The following LDLRAD4 variants were observed in gnomAD, a reference collection of about 807,000 sequenced individuals.
LDLRAD4 encodes low-density lipoprotein receptor class A domain-containing protein 4.
A neutral mutation model predicts 17.0 loss-of-function variants in LDLRAD4; 5 were observed. That is an observed-to-expected ratio of 0.29 (90% CI 0.15 to 0.62). LDLRAD4 has a LOEUF of 0.62. Ranked by LOEUF, LDLRAD4 falls within the 20% of genes least tolerant of loss-of-function variation. LDLRAD4 has a pLI of 0.84. For synonymous variants in LDLRAD4, 168 were observed against 171.8 expected (o/e 0.98, Z 0.17); for missense variants, 340 against 424.7 (o/e 0.80, Z 1.75).
chr18:13,606,578 T>C (rs772751585), intron 3 of LDLRAD4, among the ~76,000 whole-genome samples: 7 of 152,238 alleles, frequency 4.6e-5, no homozygotes, highest in Non-Finnish European at 1.0e-4. Context: ...GTCTCTGTGC[T>C]GCGTTTTTCT....
chr18:13,523,379 G>A (rs62087215), intron 3 of LDLRAD4, among the ~76,000 whole-genome samples: 1,614 of 152,296 alleles, frequency 0.011, 17 homozygotes, highest in Non-Finnish European at 0.017. Context: ...CCACACTGTT[G>A]GGAGGGGAGT....
chr18:13,325,031 A>G (rs2081446379), intron 1 of LDLRAD4, among the ~76,000 whole-genome samples: 1 of 152,154 alleles, frequency 6.6e-6, no homozygotes, highest in African/African-American at 2.4e-5. Context: ...TCATGTACAC[A>G]TTTGTCTCAG....
At chr18:13,626,735 G>A (rs781623921) in intron 4 of LDLRAD4, among the ~76,000 whole-genome samples, 1 of 152,240 alleles carries the variant, frequency 6.6e-6, no homozygotes, top group Non-Finnish European at 1.5e-5. Context: ...GCACAGCTGG[G>A]CTCCTCCAGC....
At chr18:13,566,341 A>G (rs2094601144) in intron 3 of LDLRAD4, among the ~76,000 whole-genome samples, 2 of 147,416 alleles carry the variant, frequency 1.4e-5, no homozygotes, top group African/African-American at 2.5e-5. Context: ...GTTTTCTTAT[A>G]TTTTCAATAA....
intron 1 of LDLRAD4, among the ~76,000 whole-genome samples, chr18:13,266,738 C>G (rs557558040): frequency 2.0e-5 from 3 of 152,244 alleles, no homozygotes; most frequent in African/African-American, 7.2e-5. Flanking sequence ...TGGCCAGACC[C>G]GTGGGCAGAT....
chr18:13,619,697 C>T (rs963093715), intron 3 of LDLRAD4, among the ~76,000 whole-genome samples: 4 of 152,156 alleles, frequency 2.6e-5, no homozygotes, highest in East Asian at 1.9e-4. Flanking sequence ...GGGGCGGGGC[C>T]GGCAGGCCTC....
intron 3 of LDLRAD4, among the ~76,000 whole-genome samples, chr18:13,532,197 C>A (rs563794879): frequency 6.6e-6 from 1 of 152,146 alleles, no homozygotes; most frequent in Non-Finnish European, 1.5e-5. Context: ...GCCGTGCATG[C>A]GGTGGACGGC....
intron 3 of LDLRAD4, among the ~76,000 whole-genome samples, chr18:13,478,307 G>A (rs931545659): frequency 6.6e-6 from 1 of 152,210 alleles, no homozygotes; most frequent in Non-Finnish European, 1.5e-5. Context: ...ACATCCAAGT[G>A]TTGGTGTGCT....
rs113995716 is a variant in LDLRAD4, at chr18:13,287,437, G to T, written c.-383+9249G>T. Among the ~76,000 whole-genome samples, 968 of 152,324 alleles carry T rather than the reference G, an allele frequency of 6.4e-3. 16 individuals are homozygous for T. Among genetic ancestry groups the T allele is most frequent in the African/African-American group, 0.022 (922 of 41,566 alleles). On this transcript the variant is annotated intron_variant, in intron 1 of 5. Transcript: ENST00000359446. The stretch of plus-strand genomic sequence containing the variant: ...GAAGGCCATGAGTTTAAACAGTAAG[G>T]TTGAAATGAGTTTGCCTTCTGTATC...
chr18:13,548,836 G>A (rs2094400708), intron 3 of LDLRAD4, among the ~76,000 whole-genome samples: 1 of 152,262 alleles, frequency 6.6e-6, no homozygotes, highest in Non-Finnish European at 1.5e-5. Flanking sequence ...CCCTGCTGCA[G>A]CCAGCATCAT....
At chr18:13,454,924 T>A (rs2092045930) in intron 3 of LDLRAD4, among the ~76,000 whole-genome samples, 2 of 152,262 alleles carry the variant, frequency 1.3e-5, no homozygotes, top group Non-Finnish European at 2.9e-5. Context: ...CAGTGCTGGA[T>A]CACCTGCGGC....
chr18:13,601,809 G>A (rs1488494250), intron 3 of LDLRAD4, among the ~76,000 whole-genome samples: 1 of 152,124 alleles, frequency 6.6e-6, no homozygotes, highest in African/African-American at 2.4e-5. Context: ...CCCACTACTG[G>A]ATATATGCCC....
intron 4 of LDLRAD4, chr18:13,642,535 T>C: frequency 8.1e-7 from 1 of 1,227,740 alleles, no homozygotes; most frequent in Non-Finnish European, 1.0e-6. Context: ...ATCTGCCCTG[T>C]GAATAGGTGG....
chr18:13,432,109 C>A (rs766208351), intron 2 of LDLRAD4, among the ~76,000 whole-genome samples: 23 of 152,222 alleles, frequency 1.5e-4, no homozygotes, highest in Non-Finnish European at 2.9e-4. Context: ...GCCTACTCAA[C>A]ATGTGCACCT....
Position 13,451,645 on chromosome 18 carries a change from C to T in LDLRAD4, c.181+13261C>T, listed in dbSNP as rs138312565. On this transcript the variant is annotated intron_variant, in intron 3 of 5. Transcript: ENST00000359446. Reference sequence around the variant, plus strand: ...ATAAACAATCAAAATGTGCATCTTACATGTCTGGAGGCTGGGAAGTCCAGG... The same window carrying T: ...ATAAACAATCAAAATGTGCATCTTATATGTCTGGAGGCTGGGAAGTCCAGG... Among the ~76,000 whole-genome samples, 14 of 152,316 alleles carry T rather than the reference C, an allele frequency of 9.2e-5. No individual in the cohort carries two copies. The East Asian group carries it at 2.5e-3, about 27-fold the overall frequency.
chr18:13,313,688 A>G (rs993800788), intron 1 of LDLRAD4, among the ~76,000 whole-genome samples: 2 of 152,214 alleles, frequency 1.3e-5, no homozygotes, highest in Non-Finnish European at 2.9e-5. Flanking sequence ...GTTTAATTGT[A>G]CTTAGCTGTT....
At chr18:13,482,739 A>T (rs1187996626) in intron 3 of LDLRAD4, among the ~76,000 whole-genome samples, 2 of 152,192 alleles carry the variant, frequency 1.3e-5, no homozygotes, top group East Asian at 3.9e-4. Flanking sequence ...TGGGGGAGGT[A>T]GTGACAAGTT....
intron 3 of LDLRAD4, among the ~76,000 whole-genome samples, chr18:13,558,098 GCAAC>G (rs1326372912): frequency 6.6e-6 from 1 of 152,196 alleles, no homozygotes; most frequent in Admixed American, 6.5e-5. Flanking sequence ...CAGTTTCTAA[GCAAC>G]CATTGCCAAA....
Position 13,502,989 on chromosome 18 carries a change from G to A in LDLRAD4, c.181+64605G>A, listed in dbSNP as rs114597240. Among the ~76,000 whole-genome samples, 576 of 152,352 alleles carry A rather than the reference G, an allele frequency of 3.8e-3. 2 individuals carry two copies. The highest frequency in any genetic ancestry group is 0.013 in the African/African-American group (532 of 41,572). ...AAGGGCAAGAGAGAGCAGACTTTGT[G>A]GCATCAGTCAGGTATATGTGCTTGT... On this transcript the variant is annotated intron_variant, in intron 3 of 5. Coordinates refer to ENST00000359446, the Ensembl canonical transcript of LDLRAD4.
Sources: allele counts gnomAD v4.1 joint callset (sites outside exome capture counted in the v4.1 genomes callset), GRCh38; gene constraint gnomAD v4.1.1; transcripts MANE v1.5; gene names NCBI Gene and HGNC (gene_info 2026-07-23, HGNC 2026-07-21).